The following DHX36 variants were observed in gnomAD, a reference collection of about 807,000 sequenced individuals.
The protein encoded by DHX36 is DEAH-box helicase 36, also known as ATP-dependent DNA/RNA helicase DHX36.
A neutral mutation model predicts 139.0 loss-of-function variants in DHX36; 50 were observed. The ratio of observed to expected loss-of-function variants is 0.36; its 90% CI spans 0.29 to 0.46. The LOEUF (loss-of-function observed/expected upper bound fraction) is 0.46, where lower values mean the gene tolerates loss of function less well. Among genes scored for constraint, DHX36 ranks in the 20% least tolerant of loss-of-function variants. The pLI is 1.00. For synonymous variants in DHX36, 425 were observed against 401.9 expected (o/e 1.06, Z -0.69); for missense variants, 1,024 against 1,211.3 (o/e 0.85, Z 2.29).
rs1712441535 is a variant in DHX36, at chr3:154,304,907, A to G, written c.1034T>C (p.Val345Ala). ...AAGGTCTTTAACAACAGTCATTAAA[A>G]CATCTGACTGCAGATTTCTTTCATG... The part of the protein sequence containing the change: ...EIHERNLQSD[V>A]LMTVVKDLLN... Residue 345 changes from valine to alanine, a missense_variant, in exon 8 of 25, where the codon GTT (valine) becomes GCT (alanine). Val to Ala is a moderately conservative substitution (Grantham distance 64). Transcript: ENST00000496811. The G allele has an allele frequency of 6.2e-7, 1 of 1,612,404 alleles. No individual in the cohort carries two copies. The highest frequency in any genetic ancestry group is 1.3e-5 in the African/African-American group (1 of 74,840).
chr3:154,312,900 T>TATAAAA (rs1331669290), intron 3 of DHX36, among the ~76,000 whole-genome samples: 12 of 67,598 alleles, frequency 1.8e-4, no homozygotes, highest in East Asian at 1.2e-3. Flanking sequence ...TATATATATA[T>TATAAAA]AAAATAAATA....
chr3:154,306,167 CAA>C, intron 6 of DHX36, 47 bp downstream of exon 6: 1 of 1,355,744 alleles, frequency 7.4e-7, no homozygotes, highest in East Asian at 2.3e-5. Flanking sequence ...TCTCCAGCTT[CAA>C]AGTTTCACTA....
At chr3:154,313,913 T>C (rs1712862947) in intron 3 of DHX36, among the ~76,000 whole-genome samples, 1 of 152,218 alleles carries the variant, frequency 6.6e-6, no homozygotes. Flanking sequence ...ACATGTAGTC[T>C]CTTATTCAAG....
At chr3:154,315,022 T>G (rs1348274750) in intron 3 of DHX36, 24 bp downstream of exon 3, 1 of 1,513,712 alleles carries the variant, frequency 6.6e-7, no homozygotes, top group Non-Finnish European at 9.0e-7. Flanking sequence ...AATGACAAAA[T>G]ATTTTTTGAC....
rs1711667460 is a variant in DHX36, at chr3:154,288,913, G to A, written c.1984C>T (p.Pro662Ser). 1 of 1,593,504 alleles carries A rather than the reference G, an allele frequency of 6.3e-7. No homozygotes were observed. ...AYFLSRLMDP[P>S]SNEAVLLSIR... is the part of the protein sequence containing the mutation. ...GAGAGTAACACTGCCTCATTTGATG[G>A]TGGGTCCATTAATCTACTCAGAAAA... Residue 662 changes from proline (P) to serine (S), a missense_variant, in exon 17 of 25, where the codon CCA (proline) becomes TCA (serine). Physicochemically the swap from Pro to Ser is moderately conservative, Grantham distance 74. This residue lies in a region of DHX36 where 470 missense variants were observed against 616.2 expected (regional missense o/e 0.76). Coordinates refer to ENST00000496811, the MANE Select transcript of DHX36 (RefSeq NM_020865.3).
rs35550732 is a variant in DHX36, at chr3:154,275,978, GTATATA to G, written c.*187_*192del. 2,257 of 308,014 alleles carry G rather than the reference GTATATA, an allele frequency of 7.3e-3. 2 individuals carry two copies. Among genetic ancestry groups the G allele is most frequent in the East Asian group, 9.8e-3 (182 of 18,656 alleles). 19.1% of individuals were successfully genotyped at this position (308,014 alleles called of 1,614,324 possible). On this transcript the variant is annotated 3_prime_UTR_variant, in exon 25 of 25. Transcript: ENST00000496811. ...GATCAGAGAACATATTGCTTTTATG[GTATATA>G]TATATATATATATATATCTCTACAT... is the stretch of plus-strand genomic sequence containing the variant.
At position 154,275,348 on chromosome 3, in the gene DHX36, A is replaced by G. The variant is rs568280166; in HGVS notation, c.*823T>C. On this transcript the variant is annotated 3_prime_UTR_variant, in exon 25 of 25. Transcript: ENST00000496811. ...GAATGACAAGGAAAAAAGTCTGCAC[A>G]TGTTCAGTATAGACACAACCATCCT... 2.8e-4 allele frequency: 43 copies of G among 152,348 alleles called. No individual in the cohort carries two copies. Among genetic ancestry groups the G allele is most frequent in the Admixed American group, 9.1e-4 (14 of 15,306 alleles). The allele number at this position is 152,348 out of a possible 1,614,324, so 9.4% of individuals were successfully genotyped here.
At chr3:154,290,962 G>A (rs796416309) in intron 15 of DHX36, among the ~76,000 whole-genome samples, 37 of 150,172 alleles carry the variant, frequency 2.5e-4, no homozygotes, top group African/African-American at 7.1e-4. Flanking sequence ...GTGAAACCCC[G>A]TCTCTACTAA....
intron 5 of DHX36, among the ~76,000 whole-genome samples, chr3:154,306,544 T>A (rs74435712): frequency 6.6e-6 from 1 of 152,310 alleles, no homozygotes; most frequent in African/African-American, 2.4e-5. Flanking sequence ...TGCCTTTCTA[T>A]AGCATCCTCT....
chr3:154,281,849 T>C (rs1425884713), intron 20 of DHX36, among the ~76,000 whole-genome samples: 1 of 146,110 alleles, frequency 6.8e-6, no homozygotes, highest in Non-Finnish European at 1.5e-5. Context: ...TAACACCATT[T>C]TGTTATTAGC....
intron 6 of DHX36, among the ~76,000 whole-genome samples, chr3:154,305,813 A>G (rs950961998): frequency 2.0e-5 from 3 of 152,316 alleles, no homozygotes; most frequent in Middle Eastern, 3.4e-3. Context: ...TGGAGTCCTA[A>G]GCTCCAGAAA....
chr3:154,299,296 C>G (rs1712167017), intron 12 of DHX36, among the ~76,000 whole-genome samples: 1 of 152,210 alleles, frequency 6.6e-6, no homozygotes, highest in South Asian at 2.1e-4. Context: ...ATATTCAGAA[C>G]TGTAAAAATT....
At chr3:154,303,920 A>C (rs1712398691) in intron 8 of DHX36, among the ~76,000 whole-genome samples, 1 of 152,218 alleles carries the variant, frequency 6.6e-6, no homozygotes, top group South Asian at 2.1e-4. Context: ...TGCTCTTTAC[A>C]TTTCATAACA....
intron 5 of DHX36, among the ~76,000 whole-genome samples, chr3:154,308,946 G>C (rs1250133626): frequency 6.6e-6 from 1 of 152,008 alleles, no homozygotes; most frequent in Admixed American, 6.6e-5. Context: ...CCAGCACTCC[G>C]GGAGGCTGAA....
intron 17 of DHX36, among the ~76,000 whole-genome samples, chr3:154,286,166 C>CAAA (rs60041573): frequency 0.016 from 256 of 16,394 alleles, 9 homozygotes; most frequent in African/African-American, 0.026. Flanking sequence ...TTCCACACAC[C>CAAA]AAAAAAAAAA....
At chr3:154,319,546 G>A (rs191117545) in intron 1 of DHX36, among the ~76,000 whole-genome samples, 5 of 152,236 alleles carry the variant, frequency 3.3e-5, no homozygotes, top group African/African-American at 1.2e-4. Flanking sequence ...TATAAAAGAA[G>A]TGCATTTTAA....
chr3:154,284,700 T>G (rs2108336239), intron 18 of DHX36, 31 bp from the exon 19 acceptor site: 1 of 1,599,180 alleles, frequency 6.3e-7, no homozygotes, highest in East Asian at 2.2e-5. Flanking sequence ...CCAATTTAAA[T>G]TGCTCTGATG....
rs1259942968 is a variant in DHX36 at position 154,303,265 on chromosome 3, T to C, written c.1217+64A>G. On this transcript the variant is annotated intron_variant, in intron 9 of 24. Transcript: ENST00000496811. ...AATGATGGGTTTCTGAGACTAAAGT[T>C]TGACATGAGAAAAGTGATATATTAG... The C allele has an allele frequency of 1.3e-5, 15 of 1,195,850 alleles. No homozygotes were observed. In the East Asian group the frequency reaches 3.3e-4, roughly 26 times the overall value. The allele number at this position is 1,195,850 out of a possible 1,614,324, so 74.1% of individuals were successfully genotyped here.
Position 154,274,397 on chromosome 3 carries a change from T to G in DHX36, c.*1774A>C, listed in dbSNP as rs776776923. On this transcript the variant is annotated 3_prime_UTR_variant, in exon 25 of 25. Coordinates refer to ENST00000496811, the MANE Select transcript of DHX36 (RefSeq NM_020865.3). Reference sequence around the variant, plus strand: ...AAAGTGGCTTAAACAATTGAAGGGTTTTTATTATATCAACATAAGTCCACA... The same window carrying G: ...AAAGTGGCTTAAACAATTGAAGGGTGTTTATTATATCAACATAAGTCCACA... The G allele has an allele frequency of 1.8e-5, 3 of 166,238 alleles. No homozygotes were observed. The highest frequency in any genetic ancestry group is 3.9e-5 in the Non-Finnish European group (3 of 76,738). The allele number at this position is 166,238 out of a possible 1,614,324, so 10.3% of individuals were successfully genotyped here. A position where few individuals can be genotyped will look rare whatever the true frequency, so the allele number is the denominator to read the frequency against.
Sources: allele counts gnomAD v4.1 joint callset (sites outside exome capture counted in the v4.1 genomes callset), GRCh38; gene constraint gnomAD v4.1.1; regional missense constraint gnomAD v4.1.1; transcripts MANE v1.5; gene names NCBI Gene and HGNC (gene_info 2026-07-23, HGNC 2026-07-21).